CDC42BPB: variants seen among roughly 807,000 people sequenced by gnomAD.
CDC42BPB encodes serine/threonine-protein kinase MRCK beta.
CDC42BPB carries 37 observed loss-of-function variants against 214.9 expected under a neutral mutation model. The observed-to-expected ratio is 0.17, with a 90% CI of 0.13 to 0.23. The LOEUF (loss-of-function observed/expected upper bound fraction) is 0.23. Ranked by LOEUF, CDC42BPB falls within the 10% of genes least tolerant of loss-of-function variation. The pLI is 1.00. For synonymous variants in CDC42BPB, 931 were observed against 884.0 expected, an observed-to-expected ratio of 1.05 and a Z score of -0.94; for missense variants, 1,694 against 2,227.0, an observed-to-expected ratio of 0.76 and a Z score of 4.82.
At chr14:103,025,905 G>A (rs1008228348) in intron 1 of CDC42BPB, among the ~76,000 whole-genome samples, 6 of 151,792 alleles carry the variant, frequency 4.0e-5, no homozygotes, top group Non-Finnish European at 1.5e-5. Flanking sequence ...AAATACTGCA[G>A]GATTCCATTA....
In CDC42BPB at chr14:103,004,087, G is replaced by T; in HGVS notation, c.352-64C>A. The T allele has an allele frequency of 6.7e-7, 1 of 1,498,080 alleles. No individual in the cohort carries two copies. Among genetic ancestry groups the T allele is most frequent in the Non-Finnish European group, 8.9e-7 (1 of 1,120,392 alleles). The allele number at this position is 1,498,080 out of a possible 1,614,324, so 92.8% of individuals were successfully genotyped here. The stretch of plus-strand genomic sequence containing the variant: ...GAAGCAGGCCAGAGAGCGTACTGCC[G>T]GTCTCGGGGTCCCTCCTGGGACAGT... On this transcript the variant is annotated intron_variant, in intron 3 of 36. Coordinates refer to ENST00000361246, the MANE Select transcript of CDC42BPB (RefSeq NM_006035.4). This position sits in a 1 kb window ranked among gnomAD's most constrained non-coding sequence, Gnocchi z 5.3.
chr14:102,986,811 T>C (rs1894266517), intron 5 of CDC42BPB: 1 of 807,724 alleles, frequency 1.2e-6, no homozygotes, highest in Non-Finnish European at 1.5e-6. Context: ...CCTGTGACGA[T>C]TCCTACTCGT....
chr14:102,996,396 C>A (rs1894739423), intron 5 of CDC42BPB, among the ~76,000 whole-genome samples: 1 of 152,040 alleles, frequency 6.6e-6, no homozygotes, highest in Non-Finnish European at 1.5e-5. Context: ...GGGAGAAAAA[C>A]AATTTAAAAG....
At chr14:102,993,383 C>T (rs575794828) in intron 5 of CDC42BPB, among the ~76,000 whole-genome samples, 2 of 152,230 alleles carry the variant, frequency 1.3e-5, no homozygotes, top group Admixed American at 6.5e-5. Context: ...ACATGGGATG[C>T]GAGGCTTCTG....
At chr14:103,051,794 AAG>A (rs1888622752) in intron 1 of CDC42BPB, among the ~76,000 whole-genome samples, 2 of 152,328 alleles carry the variant, frequency 1.3e-5, no homozygotes, top group Admixed American at 6.5e-5. Flanking sequence ...GTCTAGATTT[AAG>A]AGAGACACTG....
At position 103,029,638 on chromosome 14, in the gene CDC42BPB, C is replaced by T. The variant is rs538307983; in HGVS notation, c.176-17450G>A. On this transcript the variant is annotated intron_variant, in intron 1 of 36. Transcript: ENST00000361246. ...TTGGGAGGCTGACATGGGCGGATCA[C>T]GAGGTCAAGAGATCGAGAGCATCCT... 4.6e-3 allele frequency among the ~76,000 whole-genome samples: 696 copies of T among 151,364 alleles called. 7 individuals carry two copies. Among genetic ancestry groups the T allele is most frequent in the African/African-American group, 0.016 (668 of 41,238 alleles).
intron 1 of CDC42BPB, among the ~76,000 whole-genome samples, chr14:103,020,199 G>A (rs1243616453): frequency 6.6e-6 from 1 of 152,242 alleles, no homozygotes; most frequent in Non-Finnish European, 1.5e-5. Flanking sequence ...TTTGGAATTG[G>A]AAAGAGTCTG....
rs746127287 is a variant in CDC42BPB at position 102,968,144 on chromosome 14, C to A, written c.2346+109G>T. 36 of 710,586 alleles carry A rather than the reference C, an allele frequency of 5.1e-5. 1 individual carries two copies. Among genetic ancestry groups the A allele is most frequent in the South Asian group, 2.1e-4 (11 of 53,550 alleles). 44.0% of individuals were successfully genotyped at this position (710,586 alleles called of 1,614,324 possible). On this transcript the variant is annotated intron_variant, in intron 16 of 36. Transcript: ENST00000361246. The stretch of plus-strand genomic sequence containing the variant: ...GACTCAAGAATGACGACATTCTACT[C>A]CCCCATAAATATATATACCTACTAT...
intron 10 of CDC42BPB, 31 bp from the exon 11 acceptor site, chr14:102,975,834 GCCTGGCC>G: frequency 6.2e-7 from 1 of 1,613,826 alleles, no homozygotes; most frequent in East Asian, 2.2e-5. Flanking sequence ...GTGAGGTGCA[GCCTGGCC>G]GCAGCGCCCC....
At chr14:102,954,486 C>G in intron 22 of CDC42BPB, 116 bp downstream of exon 22, 1 of 1,382,280 alleles carries the variant, frequency 7.2e-7, no homozygotes, top group Non-Finnish European at 9.7e-7. Context: ...GCTTGAGCAC[C>G]TGGGCAGAGG....
At chr14:103,017,189 GGCACACAC>G (rs1886512976) in intron 1 of CDC42BPB, among the ~76,000 whole-genome samples, 1 of 151,982 alleles carries the variant, frequency 6.6e-6, no homozygotes, top group Non-Finnish European at 1.5e-5. Context: ...AGGGTGTAGC[GGCACACAC>G]CTGTGGTTCT....
At position 103,003,808 on chromosome 14, in the gene CDC42BPB, G is replaced by A. The variant is rs141468583; in HGVS notation, c.447+120C>T. ...TGAAAACAAGCCCCGCCGTTTTATC[G>A]AGTCCAATACACATTTTTTAAATGT... On this transcript the variant is annotated intron_variant, in intron 4 of 36. Coordinates refer to ENST00000361246, the MANE Select transcript of CDC42BPB (RefSeq NM_006035.4). 2.6e-4 allele frequency: 174 copies of A among 662,154 alleles called. 2 individuals carry two copies. In the East Asian group the frequency reaches 4.6e-3, roughly 18 times the overall value. The allele number at this position is 662,154 out of a possible 1,614,324, so 41.0% of individuals were successfully genotyped here.
intron 1 of CDC42BPB, chr14:103,012,439 G>C (rs935979957): frequency 5.8e-6 from 1 of 173,250 alleles, no homozygotes; most frequent in Non-Finnish European, 1.1e-5. Flanking sequence ...AGCCGACGAC[G>C]GACCACATAC....
chr14:103,001,699 G>GC lies in CDC42BPB; in HGVS notation c.448-1987dup, dbSNP rs1894992211. Among the ~76,000 whole-genome samples the GC allele has an allele frequency of 6.6e-6, 1 of 152,182 alleles. No individual in the cohort carries two copies. The highest frequency in any genetic ancestry group is 2.4e-5 in the African/African-American group (1 of 41,438). ...CACTGCAGGCATTCCAGAGGGAGCG[G>GC]CCCCGGCAGCTGACGGACACACACG... On this transcript the variant is annotated intron_variant, in intron 4 of 36. Coordinates refer to ENST00000361246, the MANE Select transcript of CDC42BPB (RefSeq NM_006035.4). The surrounding 1 kb of genome is among the most constrained non-coding windows in gnomAD (Gnocchi z 5.8).
intron 1 of CDC42BPB, among the ~76,000 whole-genome samples, chr14:103,042,533 A>C (rs1260250182): frequency 6.6e-6 from 1 of 152,132 alleles, no homozygotes; most frequent in Non-Finnish European, 1.5e-5. Flanking sequence ...GATGGTCTCC[A>C]TCTCCTGACC....
At position 102,943,746 on chromosome 14, in the gene CDC42BPB, G is replaced by A. The variant is rs1488985796; in HGVS notation, c.4408+145C>T. 1.0e-5 allele frequency: 7 copies of A among 670,776 alleles called. No individual in the cohort carries two copies. The highest frequency in any genetic ancestry group is 1.8e-5 in the African/African-American group (1 of 55,172). The allele number at this position is 670,776 out of a possible 1,614,324, so 41.6% of individuals were successfully genotyped here. On this transcript the variant is annotated intron_variant, in intron 30 of 36. Coordinates refer to ENST00000361246, the MANE Select transcript of CDC42BPB (RefSeq NM_006035.4). This position sits in a 1 kb window ranked among gnomAD's most constrained non-coding sequence, Gnocchi z 4.6. ...AGATCTGAACCATGCTCTCTGCTGCGGGCTGGCATGGGGCCCACCTCTCCC... is the reference window on the plus strand; with the variant it reads ...AGATCTGAACCATGCTCTCTGCTGCAGGCTGGCATGGGGCCCACCTCTCCC...
At chr14:103,032,932 T>TAAA (rs201844707) in intron 1 of CDC42BPB, among the ~76,000 whole-genome samples, 2 of 150,616 alleles carry the variant, frequency 1.3e-5, no homozygotes, top group Non-Finnish European at 3.0e-5. Context: ...TCCACTTTTT[T>TAAA]TAAAAAAAAA....
intron 1 of CDC42BPB, among the ~76,000 whole-genome samples, chr14:103,014,888 C>A (rs1268843286): frequency 6.6e-6 from 1 of 152,142 alleles, no homozygotes; most frequent in Non-Finnish European, 1.5e-5. Context: ...ACAGTGAAGA[C>A]AAAGACAGAT....
chr14:103,025,039 T>C (rs1295984770), intron 1 of CDC42BPB, among the ~76,000 whole-genome samples: 4 of 152,240 alleles, frequency 2.6e-5, no homozygotes, highest in Admixed American at 2.6e-4. Flanking sequence ...AATTTCTTTG[T>C]GTCACTGCTG....
Sources: allele counts gnomAD v4.1 joint callset (sites outside exome capture counted in the v4.1 genomes callset), GRCh38; gene constraint gnomAD v4.1.1; non-coding constraint Gnocchi (gnomAD v3.1); transcripts MANE v1.5; gene names NCBI Gene and HGNC (gene_info 2026-07-23, HGNC 2026-07-21).